Variants in CATSPERT observed in about 807,000 individuals in gnomAD.
The protein encoded by CATSPERT is catsper channel auxiliary subunit tau.
At chr2:201,544,523 C>T in the CATSPERT span, among the ~76,000 whole-genome samples, 1 of 144,532 alleles carries the variant, frequency 6.9e-6, no homozygotes, top group African/African-American at 2.6e-5. Flanking sequence ...TCTCCTTCTT[C>T]CTCTGCCACA....
At chr2:201,607,230 G>T in the CATSPERT span, among the ~76,000 whole-genome samples, 6 of 152,154 alleles carry the variant, frequency 3.9e-5, no homozygotes, top group Non-Finnish European at 7.3e-5. Context: ...TTTACATTTT[G>T]CTTCTGCCCT....
At chr2:201,492,976 T>A in the CATSPERT span, 207 of 1,536,488 alleles carry the variant, frequency 1.3e-4, 3 homozygotes, top group East Asian at 5.0e-3. Flanking sequence ...TCTGTCTAAT[T>A]TGTCTGCTTT....
At chr2:201,530,640 G>A in the CATSPERT span, among the ~76,000 whole-genome samples, 1 of 152,114 alleles carries the variant, frequency 6.6e-6, no homozygotes, top group Non-Finnish European at 1.5e-5. Context: ...TGGATGAATC[G>A]GAGATATGAG....
At chr2:201,616,337 C>A in the CATSPERT span, among the ~76,000 whole-genome samples, 1 of 152,178 alleles carries the variant, frequency 6.6e-6, no homozygotes, top group Non-Finnish European at 1.5e-5. Flanking sequence ...AATCCAGCAG[C>A]ACATCAAAAA....
At chr2:201,561,004 A>T in the CATSPERT span, among the ~76,000 whole-genome samples, 1 of 151,962 alleles carries the variant, frequency 6.6e-6, no homozygotes, top group African/African-American at 2.4e-5. Flanking sequence ...GTTGGTCTCA[A>T]ACTCCTGACC....
At chr2:201,574,330 A>G in the CATSPERT span, 2 of 1,415,666 alleles carry the variant, frequency 1.4e-6, no homozygotes, top group African/African-American at 1.5e-5. Context: ...TTAATGGAGA[A>G]GGGACAAAAA....
the CATSPERT span, chr2:201,487,590 A>T: frequency 3.1e-6 from 5 of 1,597,806 alleles, no homozygotes. Flanking sequence ...GTTTTATAAT[A>T]TCACAAATGA....
the CATSPERT span, among the ~76,000 whole-genome samples, chr2:201,614,316 C>T: frequency 5.9e-5 from 9 of 152,258 alleles, no homozygotes; most frequent in Non-Finnish European, 7.4e-5. Context: ...AGAGAAAGGT[C>T]GGGTTACCCA....
At chr2:201,499,165 T>A in the CATSPERT span, among the ~76,000 whole-genome samples, 3 of 152,040 alleles carry the variant, frequency 2.0e-5, no homozygotes, top group Non-Finnish European at 2.9e-5. Context: ...ATGAGAAAAA[T>A]TGATACATGT....
At chr2:201,604,634 T>G in the CATSPERT span, 2 of 1,600,486 alleles carry the variant, frequency 1.2e-6, no homozygotes, top group Admixed American at 1.7e-5. Flanking sequence ...GGCACCAAAT[T>G]TGGCGTCTCC....
chr2:201,491,691 C>T, the CATSPERT span: 4 of 1,536,870 alleles, frequency 2.6e-6, no homozygotes, highest in Admixed American at 2.0e-5. Context: ...TTCTTGGATA[C>T]GATGTTAATA....
the CATSPERT span, among the ~76,000 whole-genome samples, chr2:201,489,601 T>C: frequency 6.6e-6 from 1 of 152,204 alleles, no homozygotes; most frequent in South Asian, 2.1e-4. Flanking sequence ...TTTGCTTTAC[T>C]GTGGAAAATA....
chr2:201,512,607 T>C, the CATSPERT span, among the ~76,000 whole-genome samples: 75,748 of 151,988 alleles, frequency 0.5, 20,007 homozygotes, highest in African/African-American at 0.68. Context: ...GGTTGTTGTA[T>C]ATATAAATAG....
chr2:201,613,650 C>T, the CATSPERT span, among the ~76,000 whole-genome samples: 1 of 152,200 alleles, frequency 6.6e-6, no homozygotes, highest in Non-Finnish European at 1.5e-5. Flanking sequence ...TGCCGTTTCT[C>T]CTACAAAGGA....
chr2:201,489,854 T>C, the CATSPERT span, among the ~76,000 whole-genome samples: 34 of 143,748 alleles, frequency 2.4e-4, no homozygotes, highest in South Asian at 7.0e-3. Context: ...AGATTTACTT[T>C]CCTAATTTTT....
the CATSPERT span, chr2:201,487,737 C>A: frequency 6.2e-7 from 1 of 1,614,122 alleles, no homozygotes; most frequent in African/African-American, 1.3e-5. Context: ...CTGTAGCTTT[C>A]TCGTTGCTTG....
the CATSPERT span, among the ~76,000 whole-genome samples, chr2:201,560,249 G>GA: frequency 2.6e-5 from 4 of 151,826 alleles, no homozygotes; most frequent in Non-Finnish European, 4.4e-5. Flanking sequence ...CCAATAAGGC[G>GA]AAACCCTGTC....
chr2:201,538,981 T>G, the CATSPERT span, among the ~76,000 whole-genome samples: 1 of 152,208 alleles, frequency 6.6e-6, no homozygotes, highest in Admixed American at 6.5e-5. Context: ...TCTATGCTCC[T>G]GCAAAGGACA....
the CATSPERT span, among the ~76,000 whole-genome samples, chr2:201,495,722 G>T: frequency 7.2e-6 from 1 of 138,564 alleles, no homozygotes; most frequent in African/African-American, 2.8e-5. Flanking sequence ...CAAATTCCCA[G>T]GTTCTGTTTC....
Sources: allele counts gnomAD v4.1 joint callset (sites outside exome capture counted in the v4.1 genomes callset), GRCh38; gene constraint gnomAD v4.1.1; transcripts MANE v1.5; gene names NCBI Gene and HGNC (gene_info 2026-07-23, HGNC 2026-07-21).